Variants in CSPG5 observed in about 807,000 individuals in gnomAD.
CSPG5 encodes the protein acidic leucine-rich EGF-like domain-containing brain protein.
A neutral mutation model predicts 39.8 loss-of-function variants in CSPG5; 25 were observed. That is an observed-to-expected ratio of 0.63 (90% CI 0.46 to 0.88). The LOEUF (loss-of-function observed/expected upper bound fraction) is 0.88, where lower values mean the gene tolerates loss of function less well. Ranked by LOEUF, CSPG5 falls within the 40% of genes least tolerant of loss-of-function variation. CSPG5 has a pLI of 0.00. For missense variants in CSPG5, 627 were observed against 702.2 expected, an observed-to-expected ratio of 0.89 and a Z score of 1.21; for synonymous variants, 295 against 303.9, an observed-to-expected ratio of 0.97 and a Z score of 0.31.
chr3:47,578,094 A>C lies in CSPG5; in HGVS notation c.98-166T>G. On this transcript the variant is annotated intron_variant, in intron 1 of 4. Transcript: ENST00000264723. This position sits in a 1 kb window ranked among gnomAD's most constrained non-coding sequence, Gnocchi z 6.0. ...TGACCCCAGCCACCCGGTACCTCTA[A>C]GCCCCGTCCCGGAGTCTGCCCCCAA... The C allele has an allele frequency of 9.2e-7, 1 of 1,083,696 alleles. No individual in the cohort carries two copies. The highest frequency in any genetic ancestry group is 1.2e-6 in the Non-Finnish European group (1 of 841,510). The allele number at this position is 1,083,696 out of a possible 1,614,324, so 67.1% of individuals were successfully genotyped here.
intron 4 of CSPG5, among the ~76,000 whole-genome samples, chr3:47,567,573 T>A (rs1403133347): frequency 6.6e-6 from 1 of 152,242 alleles, no homozygotes. Context: ...TATCCTAAGT[T>A]TACCTCTTTC....
chr3:47,573,571 C>T lies in CSPG5; in HGVS notation c.1194-697G>A, dbSNP rs137881409. ...TTTTTGTTGAGTGACTTTCTCCTGC[C>T]CTTGGGGACATTCCCAGGCTCCAAC... is the stretch of plus-strand genomic sequence containing the variant. On this transcript the variant is annotated intron_variant, in intron 2 of 4. Transcript: ENST00000264723. 1.9e-3 allele frequency among the ~76,000 whole-genome samples: 291 copies of T among 152,246 alleles called. 1 individual carries two copies. Among genetic ancestry groups the T allele is most frequent in the Non-Finnish European group, 2.9e-3 (200 of 68,024 alleles).
intron 2 of CSPG5, 72 bp downstream of exon 2, chr3:47,576,761 C>T (rs771580913): frequency 1.5e-5 from 23 of 1,488,598 alleles, no homozygotes; most frequent in African/African-American, 7.0e-5. Flanking sequence ...CGCCCGGCTA[C>T]GCTGCCCTCT....
chr3:47,572,664 T>C lies in CSPG5; in HGVS notation c.1382+22A>G. The C allele has an allele frequency of 6.2e-7, 1 of 1,602,908 alleles. No homozygotes were observed. Among genetic ancestry groups the C allele is most frequent in the Non-Finnish European group, 8.5e-7 (1 of 1,170,750 alleles). On this transcript the variant is annotated intron_variant, in intron 3 of 4. Coordinates refer to ENST00000264723, the MANE Select transcript of CSPG5 (RefSeq NM_006574.4). The surrounding 1 kb of genome is among the most constrained non-coding windows in gnomAD (Gnocchi z 4.5). ...CCTCCCACACCCTGACCTGGGTGGA[T>C]GGGTGAGTGACACAGACTCACTTGG...
At chr3:47,563,040 T>C (rs557470625) in intron 4 of CSPG5, among the ~76,000 whole-genome samples, 11 of 152,268 alleles carry the variant, frequency 7.2e-5, no homozygotes, top group South Asian at 2.1e-4. Flanking sequence ...TGGACAGAGA[T>C]TGGGGAGAAA....
rs1404602051 is a variant in CSPG5 at position 47,572,635 on chromosome 3, G to A, written c.1382+51C>T. The stretch of plus-strand genomic sequence containing the variant: ...AGTTGGAGGGGTGCAGCAGCGTCGG[G>A]GGGCCTCCCACACCCTGACCTGGGT... On this transcript the variant is annotated intron_variant, in intron 3 of 4. Transcript: ENST00000264723. The surrounding 1 kb of genome is among the most constrained non-coding windows in gnomAD (Gnocchi z 4.5). 6.5e-7 allele frequency: 1 copy of A among 1,527,826 alleles called. No individual in the cohort carries two copies. The highest frequency in any genetic ancestry group is 1.1e-5 in the South Asian group (1 of 87,594). The allele number at this position is 1,527,826 out of a possible 1,614,324, so 94.6% of individuals were successfully genotyped here. A position where few individuals can be genotyped will look rare whatever the true frequency, so the allele number is the denominator to read the frequency against.
intron 2 of CSPG5, among the ~76,000 whole-genome samples, chr3:47,574,933 C>T (rs978119294): frequency 2.0e-5 from 3 of 152,148 alleles, no homozygotes; most frequent in Middle Eastern, 3.4e-3. Flanking sequence ...AGTGAGACTC[C>T]GTCTCTAAAA....
At chr3:47,576,564 T>C (rs1404592688) in intron 2 of CSPG5, among the ~76,000 whole-genome samples, 1 of 151,620 alleles carries the variant, frequency 6.6e-6, no homozygotes, top group Admixed American at 6.6e-5. Context: ...GTTCAAATGA[T>C]TCTCCTTCCT....
chr3:47,569,750 CTT>C (rs145182794), intron 3 of CSPG5, among the ~76,000 whole-genome samples: 293 of 134,766 alleles, frequency 2.2e-3, no homozygotes, highest in Non-Finnish European at 2.9e-3. Flanking sequence ...CTATTCTTTT[CTT>C]TTTTTTTTTT....
rs752961814 is a variant in CSPG5 at position 47,577,862 on chromosome 3, G to A, written c.164C>T (p.Pro55Leu). ...LVKGSPAWEP[P>L]ANDTREEAGP... ...GGCTTCTTCCCGCGTGTCGTTGGCAGGCGGCTCCCACGCCGGGCTGCCCTT... is the reference window on the plus strand; with the variant it reads ...GGCTTCTTCCCGCGTGTCGTTGGCAAGCGGCTCCCACGCCGGGCTGCCCTT... The change falls in exon 2 of 5, where the codon CCT (proline) becomes CTT (leucine). Residue 55 changes from proline to leucine, a missense_variant. By Grantham distance (98) the Pro-to-Leu change is moderately conservative (BLOSUM62 -3). Transcript: ENST00000264723. This position sits in a 1 kb window ranked among gnomAD's most constrained non-coding sequence, Gnocchi z 4.7. 2 of 1,532,998 alleles carry A rather than the reference G, an allele frequency of 1.3e-6. No individual in the cohort carries two copies. Among genetic ancestry groups the A allele is most frequent in the Non-Finnish European group, 1.7e-6 (2 of 1,151,766 alleles). The allele number at this position is 1,532,998 out of a possible 1,614,324, so 95.0% of individuals were successfully genotyped here.
At position 47,569,705 on chromosome 3, in the gene CSPG5, T is replaced by C. The variant is rs1430642591; in HGVS notation, c.1383-478A>G. 2.0e-5 allele frequency among the ~76,000 whole-genome samples: 3 copies of C among 151,996 alleles called. No individual in the cohort carries two copies. The East Asian group carries it at 5.8e-4, about 29-fold the overall frequency. On this transcript the variant is annotated intron_variant, in intron 3 of 4. Coordinates refer to ENST00000264723, the MANE Select transcript of CSPG5 (RefSeq NM_006574.4). Reference sequence around the variant, plus strand: ...AATTTTATTGATAAGTACAGAATTGTACCTGGTGCTGGTTATCGGTTTTTA... The same window carrying C: ...AATTTTATTGATAAGTACAGAATTGCACCTGGTGCTGGTTATCGGTTTTTA...
rs1195971340 is a variant in CSPG5 at position 47,562,541 on chromosome 3, T to C, written c.*59A>G. The stretch of plus-strand genomic sequence containing the variant: ...GAAATAGACTCTGTACAAGAGGAGA[T>C]AATGTTTCTTCCCCTACCCCCCACC... On this transcript the variant is annotated 3_prime_UTR_variant, in exon 5 of 5. Transcript: ENST00000264723. The C allele has an allele frequency of 1.4e-6, 2 of 1,467,396 alleles. No homozygotes were observed. Among genetic ancestry groups the C allele is most frequent in the African/African-American group, 2.8e-5 (2 of 71,648 alleles). 90.9% of individuals were successfully genotyped at this position (1,467,396 alleles called of 1,614,324 possible).
At chr3:47,580,002 T>G (rs1405871822), upstream of CSPG5, 1 of 152,214 alleles carries the variant, frequency 6.6e-6, no homozygotes, top group Non-Finnish European at 1.5e-5. Context: ...GGAGATTCTA[T>G]CTCCTAATCT....
In CSPG5 at chr3:47,578,423, G is replaced by T. The variant is rs1259793289; in HGVS notation, c.97+174C>A. 6.7e-6 allele frequency among the ~76,000 whole-genome samples: 1 copy of T among 148,360 alleles called. No individual in the cohort carries two copies. Among genetic ancestry groups the T allele is most frequent in the African/African-American group, 2.5e-5 (1 of 40,304 alleles). On this transcript the variant is annotated intron_variant, in intron 1 of 4. Coordinates refer to ENST00000264723, the MANE Select transcript of CSPG5 (RefSeq NM_006574.4). The surrounding 1 kb of genome is among the most constrained non-coding windows in gnomAD (Gnocchi z 6.0). The stretch of plus-strand genomic sequence containing the variant: ...ACCGGGGTCGGCCCCCACGCGGGTC[G>T]GCCTTTCCCGGACCCCCACCACCTC...
Position 47,578,656 on chromosome 3 carries a change from GGCCCCCGGCCCGGGCCCCC to G in CSPG5, c.19_37del (p.Gly7ArgfsTer34). The G allele has an allele frequency of 9.0e-7, 1 of 1,116,068 alleles. No homozygotes were observed. Among genetic ancestry groups the G allele is most frequent in the Non-Finnish European group, 1.1e-6 (1 of 911,104 alleles). 69.1% of individuals were successfully genotyped at this position (1,116,068 alleles called of 1,614,324 possible). ...CCCCAGAAACAGCAGCAGTGGCGGCGGCCCCCGGCCCGGGCCCCCGCCCCCGGCTCGCCCCATGGCGCGG... is the reference window on the plus strand; with the variant it reads ...CCCCAGAAACAGCAGCAGTGGCGGCGGCCCCCGGCTCGCCCCATGGCGCGG... On this transcript the variant is annotated frameshift_variant, in exon 1 of 5. Transcript: ENST00000264723. LOFTEE classifies it high-confidence loss of function. The surrounding 1 kb of genome is among the most constrained non-coding windows in gnomAD (Gnocchi z 6.0).
chr3:47,572,799 G>A lies in CSPG5; in HGVS notation c.1269C>T (p.Cys423=), dbSNP rs1218913767. The change falls in exon 3 of 5, where the codon TGC becomes TGT. Residue 423 remains cysteine (C), a synonymous_variant. Coordinates refer to ENST00000264723, the MANE Select transcript of CSPG5 (RefSeq NM_006574.4). This position sits in a 1 kb window ranked among gnomAD's most constrained non-coding sequence, Gnocchi z 4.5. ...ESIITDFQVM[C]VAVGSAALVL... ...CGAGGGCAGCCGAGCCCACGGCCAC[G>A]CACATCACCTGGAAGTCGGTGATGA... is the stretch of plus-strand genomic sequence containing the variant. 17 of 1,614,040 alleles carry A rather than the reference G, an allele frequency of 1.1e-5. No homozygotes were observed. The highest frequency in any genetic ancestry group is 4.5e-5 in the East Asian group (2 of 44,882).
rs191775389 is a variant in CSPG5, at chr3:47,572,977, G to A, written c.1194-103C>T. The A allele has an allele frequency of 2.2e-4, 207 of 938,472 alleles. 1 individual carries two copies. In the East Asian group the frequency reaches 4.9e-3, roughly 22 times the overall value. 58.1% of individuals were successfully genotyped at this position (938,472 alleles called of 1,614,324 possible). On this transcript the variant is annotated intron_variant, in intron 2 of 4. Transcript: ENST00000264723. This position sits in a 1 kb window ranked among gnomAD's most constrained non-coding sequence, Gnocchi z 4.5. ...AACACCTATCTCCACAGCCTGTTCC[G>A]AAGGCCATCTAGAGGAACTGCAATG...
chr3:47,564,188 C>T (rs1368331054), intron 4 of CSPG5, among the ~76,000 whole-genome samples: 1 of 152,168 alleles, frequency 6.6e-6, no homozygotes. Context: ...TCAAGATTAC[C>T]ATCATGCTTA....
intron 2 of CSPG5, among the ~76,000 whole-genome samples, chr3:47,575,899 A>C (rs1234052330): frequency 6.7e-6 from 1 of 150,098 alleles, no homozygotes; most frequent in African/African-American, 2.5e-5. Context: ...CCCTTTTTCC[A>C]AAACTCTTAA....
Sources: gnomAD v4.1 joint callset for allele counts (sites outside exome capture counted in the v4.1 genomes callset) on GRCh38, gnomAD v4.1.1 for gene constraint, Gnocchi (gnomAD v3.1) non-coding constraint, MANE v1.5 for transcripts, NCBI Gene and HGNC (gene_info 2026-07-23, HGNC 2026-07-21) for gene names.